The following STAT2 variants were observed in gnomAD, a reference collection of about 807,000 sequenced individuals.
STAT2 encodes the protein signal transducer and activator of transcription 2, also known as interferon alpha induced transcriptional activator.
In STAT2, 51 loss-of-function variants were observed where a neutral mutation model predicts 122.3. The ratio of observed to expected loss-of-function variants is 0.42; its 90% CI spans 0.33 to 0.53. STAT2 has a LOEUF of 0.53. Among genes scored for constraint, STAT2 ranks in the 20% least tolerant of loss-of-function variants. The pLI is 0.10. For synonymous variants in STAT2, 351 were observed against 394.9 expected, an observed-to-expected ratio of 0.89 and a Z score of 1.32; for missense variants, 736 against 1,010.3, an observed-to-expected ratio of 0.73 and a Z score of 3.68.
Position 56,356,309 on chromosome 12 carries a change from T to G in STAT2, c.132-24A>C, listed in dbSNP as rs369540778. 9.0e-5 allele frequency: 145 copies of G among 1,609,600 alleles called. No individual in the cohort carries two copies. The African/African-American group carries it at 1.6e-3, about 18-fold the overall frequency. On this transcript the variant is annotated intron_variant, in intron 2 of 23. Transcript: ENST00000314128. ...GCCTGGGCACCAGGAATAAGAAGTATTAGTGTCTCTGCAGTGTTACTGTAG... is the reference window on the plus strand; with the variant it reads ...GCCTGGGCACCAGGAATAAGAAGTAGTAGTGTCTCTGCAGTGTTACTGTAG...
At position 56,351,393 on chromosome 12, in the gene STAT2, C is replaced by T; in HGVS notation, c.840G>A (p.Lys280=). The T allele has an allele frequency of 1.2e-6, 2 of 1,614,126 alleles. No individual in the cohort carries two copies. Among genetic ancestry groups the T allele is most frequent in the Non-Finnish European group, 8.5e-7 (1 of 1,180,012 alleles). ...GATAGCTAACCAGGCAACTCAGTCCCTTCAGCTCCTTCAGCAGCTGCCTCA... is the reference window on the plus strand; with the variant it reads ...GATAGCTAACCAGGCAACTCAGTCCTTTCAGCTCCTTCAGCAGCTGCCTCA... ...FHLRQLLKEL[K]GLSCLVSYQD... Residue 280 remains lysine (K), a synonymous_variant, in exon 9 of 24, where the codon AAG becomes AAA. Transcript: ENST00000314128.
chr12:56,359,356 A>G (rs1308046425), intron 1 of STAT2, among the ~76,000 whole-genome samples: 1 of 152,186 alleles, frequency 6.6e-6, no homozygotes, highest in African/African-American at 2.4e-5. Context: ...AGACGAGAGG[A>G]TGGCTTGAGC....
chr12:56,355,191 T>A, intron 6 of STAT2, 85 bp downstream of exon 6: 1 of 1,490,404 alleles, frequency 6.7e-7, no homozygotes, highest in Non-Finnish European at 9.3e-7. Context: ...TGACTACTGC[T>A]CATCGGAGCT....
In STAT2 at chr12:56,346,052, C is replaced by T; in HGVS notation, c.2102+94G>A. 1.9e-6 allele frequency: 3 copies of T among 1,604,972 alleles called. No homozygotes were observed. In the South Asian group the frequency reaches 3.3e-5, roughly 18 times the overall value. The stretch of plus-strand genomic sequence containing the variant: ...AGAGCAGCTGACCATCATCCTGGTG[C>T]TCCACCCAGGAGAAGGTAATGCCCC... On this transcript the variant is annotated intron_variant, in intron 22 of 23. Coordinates refer to ENST00000314128, the MANE Select transcript of STAT2 (RefSeq NM_005419.4).
In STAT2 at chr12:56,349,507, C is replaced by A; in HGVS notation, c.1260G>T (p.Gly420=). The A allele has an allele frequency of 1.2e-6, 2 of 1,614,210 alleles. No homozygotes were observed. The highest frequency in any genetic ancestry group is 1.6e-4 in the Middle Eastern group (1 of 6,062). The change falls in exon 15 of 24, where the codon GGG becomes GGT. Residue 420 remains glycine (G), a splice_region_variant and synonymous_variant. Transcript: ENST00000314128. ...SGGSGKGSNK[G]PLGVTEELHI... is the part of the protein sequence containing the mutation. Reference sequence around the variant, plus strand: ...GCAGTTCCTCTGTCACACCTAGTGGCCCCTGGGACAGCCAAAGACATAGTC... The same window carrying A: ...GCAGTTCCTCTGTCACACCTAGTGGACCCTGGGACAGCCAAAGACATAGTC...
At position 56,349,409 on chromosome 12, in the gene STAT2, C is replaced by T. The variant is rs534387310; in HGVS notation, c.1341+17G>A. On this transcript the variant is annotated intron_variant, in intron 15 of 23. Coordinates refer to ENST00000314128, the MANE Select transcript of STAT2 (RefSeq NM_005419.4). ...CCAAAGCTGCTTTCTCTCTCCTTGC[C>T]CTCCATTTTCACTCACTTTCAGCTC... 34 of 1,613,980 alleles carry T rather than the reference C, an allele frequency of 2.1e-5. No homozygotes were observed. The highest frequency in any genetic ancestry group is 2.8e-5 in the Non-Finnish European group (33 of 1,180,042).
At chr12:56,350,740 G>C (rs2643641) in intron 11 of STAT2, 89 bp downstream of exon 11, 7 of 1,370,426 alleles carry the variant, frequency 5.1e-6, no homozygotes, top group Non-Finnish European at 7.3e-6. Flanking sequence ...GGAGGAAGGA[G>C]ATAGCCCTAG....
chr12:56,354,881 G>A lies in STAT2; in HGVS notation c.548-18C>T, dbSNP rs753774686. The A allele has an allele frequency of 6.2e-7, 1 of 1,612,800 alleles. No individual in the cohort carries two copies. The highest frequency in any genetic ancestry group is 8.5e-7 in the Non-Finnish European group (1 of 1,178,946). On this transcript the variant is annotated intron_variant, in intron 6 of 23. Coordinates refer to ENST00000314128, the MANE Select transcript of STAT2 (RefSeq NM_005419.4). ...TGTCTTCCCTGGATGGTGGGAACAG[G>A]AGTCAGTCCAGGGGTTCTTTCCTCT...
intron 1 of STAT2, among the ~76,000 whole-genome samples, chr12:56,357,066 T>A (rs1414077154): frequency 7.6e-6 from 1 of 131,546 alleles, no homozygotes; most frequent in African/African-American, 2.7e-5. Context: ...AGATGGACTC[T>A]CACTCTTTTG....
intron 1 of STAT2, among the ~76,000 whole-genome samples, chr12:56,357,609 T>G (rs1879715490): frequency 6.6e-6 from 1 of 152,042 alleles, no homozygotes; most frequent in Non-Finnish European, 1.5e-5. Context: ...CCTTCCAAAG[T>G]GCTGGGATTA....
rs761370532 is a variant in STAT2, at chr12:56,356,525, T to A, written c.47A>T (p.Asp16Val). The A allele has an allele frequency of 1.2e-6, 2 of 1,614,120 alleles. No individual in the cohort carries two copies. Among genetic ancestry groups the A allele is most frequent in the Non-Finnish European group, 1.7e-6 (2 of 1,180,050 alleles). Residue 16 changes from aspartate (D) to valine (V), a missense_variant, in exon 2 of 24, where the codon GAT becomes GTT. Coordinates refer to ENST00000314128, the MANE Select transcript of STAT2 (RefSeq NM_005419.4). ...GTGCGAGTAAAGCTGGTGCAGCTGA[T>A]CCTGAAAGGGGCTGTCAAGATTCTG... ...MLQNLDSPFQ[D>V]QLHQLYSHSL... is the part of the protein sequence containing the mutation.
At chr12:56,350,917 G>C (rs1009474216) in intron 10 of STAT2, 29 bp from the exon 11 acceptor site, 4 of 1,613,460 alleles carry the variant, frequency 2.5e-6, no homozygotes, top group Non-Finnish European at 3.4e-6. Context: ...ATAGGGGAAA[G>C]TGGTCAACCT....
intron 16 of STAT2, 47 bp from the exon 17 acceptor site, chr12:56,349,106 C>T (rs1442806092): frequency 5.0e-5 from 80 of 1,613,814 alleles, no homozygotes; most frequent in Non-Finnish European, 6.4e-5. Context: ...CAACCTATCA[C>T]ACCAAGCTTC....
In STAT2 at chr12:56,355,717, C is replaced by T. The variant is rs1383168613; in HGVS notation, c.372G>A (p.Arg124=). 2 of 1,613,908 alleles carry T rather than the reference C, an allele frequency of 1.2e-6. No homozygotes were observed. The highest frequency in any genetic ancestry group is 1.7e-6 in the Non-Finnish European group (2 of 1,179,994). The change falls in exon 4 of 24, where the codon AGG becomes AGA. Residue 124 remains arginine, a synonymous_variant. Transcript: ENST00000314128. ...ACTGAATTGTCCTCACCAATTGGGC[C>T]CTCTGAGCCTGGATCAAAATTCTTT... ...EEKRILIQAQ[R]AQLEQGEPVL...
chr12:56,347,873 G>A (rs933639016), intron 19 of STAT2, among the ~76,000 whole-genome samples: 13 of 152,134 alleles, frequency 8.5e-5, no homozygotes, highest in African/African-American at 2.4e-4. Flanking sequence ...CATGGGCTTG[G>A]AGTCACATAG....
Position 56,353,995 on chromosome 12 carries a change from C to CAAAAAAAAA in STAT2, c.782+462_782+470dup, listed in dbSNP as rs1187550270. 6.3e-3 allele frequency among the ~76,000 whole-genome samples: 80 copies of CAAAAAAAAA among 12,764 alleles called. 9 individuals are homozygous for CAAAAAAAAA. The highest frequency in any genetic ancestry group is 0.024 in the African/African-American group (73 of 3,008). The allele number at this position is 12,764 out of a possible 152,430, so 8.4% of individuals were successfully genotyped here. On this transcript the variant is annotated intron_variant, in intron 8 of 23. Transcript: ENST00000314128. ...TGGGCAACAGAGAGAGACTCCGTCT[C>CAAAAAAAAA]AAAAAAAAAAAAAAAAAAAAAATAT...
Position 56,355,809 on chromosome 12 carries a change from A to G in STAT2, c.286-6T>C. The G allele has an allele frequency of 6.2e-7, 1 of 1,612,778 alleles. No individual in the cohort carries two copies. Among genetic ancestry groups the G allele is most frequent in the Non-Finnish European group, 8.5e-7 (1 of 1,178,692 alleles). On this transcript the variant is annotated splice_polypyrimidine_tract_variant and splice_region_variant and intron_variant, in intron 3 of 23. Coordinates refer to ENST00000314128, the MANE Select transcript of STAT2 (RefSeq NM_005419.4). The stretch of plus-strand genomic sequence containing the variant: ...GTAGGATCCTGGGAAAAGGGCTAGA[A>G]TAGGTAAACAGAAAGGATTGATCCA...
rs762618 is a variant in STAT2, at chr12:56,351,534, T to A, written c.783-84A>T. The A allele has an allele frequency of 3.4e-6, 5 of 1,462,904 alleles. No individual in the cohort carries two copies. The South Asian group carries it at 6.7e-5, about 20-fold the overall frequency. 90.6% of individuals were successfully genotyped at this position (1,462,904 alleles called of 1,614,324 possible). The stretch of plus-strand genomic sequence containing the variant: ...GTTCCAAGATCTCTCTGTAAATATG[T>A]GAAGAGTCAGAAACTGACTGGGGGG... On this transcript the variant is annotated intron_variant, in intron 8 of 23. Coordinates refer to ENST00000314128, the MANE Select transcript of STAT2 (RefSeq NM_005419.4).
chr12:56,349,857 C>T (rs918453543), intron 13 of STAT2: 7 of 657,280 alleles, frequency 1.1e-5, no homozygotes, highest in South Asian at 5.6e-5. Flanking sequence ...GAGACCAGCC[C>T]GACCAATATG....
Sources: gnomAD v4.1 joint callset for allele counts (sites outside exome capture counted in the v4.1 genomes callset) on GRCh38, gnomAD v4.1.1 for gene constraint, MANE v1.5 for transcripts, NCBI Gene and HGNC (gene_info 2026-07-23, HGNC 2026-07-21) for gene names.